SLC35B1: variants seen among roughly 807,000 people sequenced by gnomAD.
The protein encoded by SLC35B1 is solute carrier family 35 member B1, also known as ATP/ADP exchanger ER.
A neutral mutation model predicts 36.6 loss-of-function variants in SLC35B1; 27 were observed. The observed-to-expected ratio is 0.74, with a 90% confidence interval of 0.54 to 1.02. SLC35B1 has a LOEUF of 1.02. SLC35B1 is among the 50% of genes least tolerant of loss of function. SLC35B1 has a pLI of 0.00. For missense variants in SLC35B1, 321 were observed against 383.2 expected (o/e 0.84, Z 1.35); for synonymous variants, 162 against 152.5 (o/e 1.06, Z -0.46).
rs2073369346 is a variant in SLC35B1 at position 49,702,947 on chromosome 17, C to T, written c.827G>A (p.Arg276Gln). 1 of 1,614,004 alleles carries T rather than the reference C, an allele frequency of 6.2e-7. No homozygotes were observed. Among genetic ancestry groups the T allele is most frequent in the South Asian group, 1.1e-5 (1 of 91,060 alleles). ...AGAGGCCAAAATTGTGAAGAACTTT[C>T]GAGTTGTAGTGATGATGGAGCAGGT... ...PLTCSIITTT[R>Q]KFFTILASVI... Residue 276 changes from arginine (R) to glutamine (Q), a missense_variant, in exon 8 of 9, where the codon CGA becomes CAA. Physicochemically the swap from Arg to Gln is conservative, Grantham distance 43. Transcript: ENST00000240333.
In SLC35B1 at chr17:49,704,229, G is replaced by T. The variant is rs371027595; in HGVS notation, c.529-3C>A. 2.7e-5 allele frequency: 44 copies of T among 1,612,754 alleles called. No homozygotes were observed. The African/African-American group carries it at 5.9e-4, about 21-fold the overall frequency. On this transcript the variant is annotated splice_region_variant and splice_polypyrimidine_tract_variant and intron_variant, in intron 5 of 8. Coordinates refer to ENST00000240333, the MANE Select transcript of SLC35B1 (RefSeq NM_005827.4). The stretch of plus-strand genomic sequence containing the variant: ...CCATCCAGGGTCAGCGATAATAGCT[G>T]GGAAAGAAAGGGTGCAGCCTGCAGT...
chr17:49,707,817 G>A lies in SLC35B1; in HGVS notation c.17C>T (p.Ser6Phe). The A allele has an allele frequency of 1.2e-6, 2 of 1,611,976 alleles. No homozygotes were observed. The highest frequency in any genetic ancestry group is 1.7e-6 in the Non-Finnish European group (2 of 1,179,828). ...CAGGCGCAGCCGGTCGGGCACCAGG[G>A]AGCTGCTAGAGGCCATGAGACGCCC... Reference protein sequence around the residue: MASSSSLVPDRLRLPL... With the variant: MASSSFLVPDRLRLPL... The change falls in exon 1 of 9, where the codon TCC (serine) becomes TTC (phenylalanine). Residue 6 changes from serine (S) to phenylalanine (F), a missense_variant. Ser to Phe is a radical substitution (Grantham distance 155). Coordinates refer to ENST00000240333, the MANE Select transcript of SLC35B1 (RefSeq NM_005827.4).
At chr17:49,707,132 A>G in intron 1 of SLC35B1, 64 bp from the exon 2 acceptor site, 2 of 1,453,700 alleles carry the variant, frequency 1.4e-6, no homozygotes, top group Non-Finnish European at 1.9e-6. Flanking sequence ...GTCATCTAAT[A>G]TATCCCGAGC....
chr17:49,701,412 A>G lies in SLC35B1; in HGVS notation c.*46T>C. 1 of 1,444,994 alleles carries G rather than the reference A, an allele frequency of 6.9e-7. No individual in the cohort carries two copies. Among genetic ancestry groups the G allele is most frequent in the South Asian group, 1.1e-5 (1 of 87,448 alleles). 89.5% of individuals were successfully genotyped at this position (1,444,994 alleles called of 1,614,324 possible). ...TTTTCCCAAGAGATGTCACTGTTTG[A>G]GATAATAACTTAAATATTCTTGATG... On this transcript the variant is annotated 3_prime_UTR_variant, in exon 9 of 9. Transcript: ENST00000240333.
intron 1 of SLC35B1, 30 bp downstream of exon 1, chr17:49,707,700 G>C (rs1487970483): frequency 1.2e-6 from 2 of 1,603,434 alleles, no homozygotes; most frequent in Admixed American, 1.7e-5. Context: ...GCTGGGGAGA[G>C]ACTGTCGGCC....
In SLC35B1 at chr17:49,701,478, C is replaced by T; in HGVS notation, c.949G>A (p.Ala317Thr). The T allele has an allele frequency of 3.1e-6, 5 of 1,613,724 alleles. No individual in the cohort carries two copies. The highest frequency in any genetic ancestry group is 4.2e-6 in the Non-Finnish European group (5 of 1,179,736). Residue 317 changes from alanine to threonine, a missense_variant, in exon 9 of 9, where the codon GCT becomes ACT. By Grantham distance (58) the Ala-to-Thr change is moderately conservative. Coordinates refer to ENST00000240333, the MANE Select transcript of SLC35B1 (RefSeq NM_005827.4). Reference sequence around the variant, plus strand: ...TCTTCCTAGTGGGATGTCTTCTTAGCTCCTTTCCCAAACTTGGCATCAAGA... The same window carrying T: ...TCTTCCTAGTGGGATGTCTTCTTAGTTCCTTTCCCAAACTTGGCATCAAGA... ...LGLDAKFGKG[A>T]KKTSH is the part of the protein sequence containing the mutation.
In SLC35B1 at chr17:49,706,419, G is replaced by A. The variant is rs1295810739; in HGVS notation, c.209-85C>T. ...AGAGAAACCTGGTGGGGCTAGGATG[G>A]ACCACTAAGCAAAGCTGAAGCCACA... On this transcript the variant is annotated intron_variant, in intron 2 of 8. Coordinates refer to ENST00000240333, the MANE Select transcript of SLC35B1 (RefSeq NM_005827.4). 6.1e-6 allele frequency: 8 copies of A among 1,301,958 alleles called. No homozygotes were observed. In the East Asian group the frequency reaches 2.2e-4, roughly 35 times the overall value. 80.7% of individuals were successfully genotyped at this position (1,301,958 alleles called of 1,614,324 possible).
intron 2 of SLC35B1, 57 bp from the exon 3 acceptor site, chr17:49,706,391 A>C (rs1286721467): frequency 7.2e-7 from 1 of 1,394,926 alleles, no homozygotes; most frequent in Non-Finnish European, 9.4e-7. Flanking sequence ...AAAAAAAAAA[A>C]CAAGAGAAAC....
intron 8 of SLC35B1, chr17:49,701,805 T>C (rs896712474): frequency 3.2e-5 from 11 of 347,220 alleles, no homozygotes; most frequent in Non-Finnish European, 4.4e-5. Flanking sequence ...ACTTCTAGGC[T>C]ATGGCTGAAT....
At chr17:49,703,889 C>T (rs1289234557) in intron 6 of SLC35B1, 4 of 539,478 alleles carry the variant, frequency 7.4e-6, no homozygotes, top group African/African-American at 1.9e-5. Flanking sequence ...AACTGACACA[C>T]GACTCTCCTT....
chr17:49,708,042 A>G, upstream of SLC35B1: 1 of 1,107,036 alleles, frequency 9.0e-7, no homozygotes, highest in Non-Finnish European at 1.3e-6. Flanking sequence ...GAACCCAGCA[A>G]CCACTTCCTA....
intron 3 of SLC35B1, 103 bp downstream of exon 3, chr17:49,706,101 T>TC (rs1226916249): frequency 1.5e-5 from 18 of 1,224,808 alleles, no homozygotes; most frequent in Middle Eastern, 2.1e-4. Flanking sequence ...AGGACCGTTA[T>TC]CTTTTTTTTT....
In SLC35B1 at chr17:49,707,012, G is replaced by A. The variant is rs142518431; in HGVS notation, c.161C>T (p.Thr54Ile). Residue 54 changes from threonine (T) to isoleucine (I), a missense_variant, in exon 2 of 9, where the codon ACT (threonine) becomes ATT (isoleucine). By Grantham distance (89) the Thr-to-Ile change is moderately conservative (BLOSUM62 -1). Transcript: ENST00000240333. ...AKQETFTFAL[T>I]LVFIQCVINA... is the part of the protein sequence containing the mutation. The stretch of plus-strand genomic sequence containing the variant: ...GATCACACATTGAATGAAGACCAAA[G>A]TTAAGGCAAAGGTGAACGTCTCCTG... The A allele has an allele frequency of 6.2e-7, 1 of 1,614,014 alleles. No homozygotes were observed. The highest frequency in any genetic ancestry group is 2.2e-5 in the East Asian group (1 of 44,864).
chr17:49,707,133 T>C, intron 1 of SLC35B1, 65 bp from the exon 2 acceptor site: 2 of 1,449,430 alleles, frequency 1.4e-6, no homozygotes, highest in South Asian at 2.3e-5. Flanking sequence ...TCATCTAATA[T>C]ATCCCGAGCC....
At chr17:49,706,138 G>A in intron 3 of SLC35B1, 66 bp downstream of exon 3, 1 of 1,466,730 alleles carries the variant, frequency 6.8e-7, no homozygotes, top group African/African-American at 1.5e-5. Context: ...ACAGACCTGA[G>A]GGAAGAACTC....
rs761874398 is a variant in SLC35B1, at chr17:49,702,925, G to A, written c.849C>T (p.Ala283=). The change falls in exon 8 of 9, where the codon GCC becomes GCT. Residue 283 remains alanine (A), a synonymous_variant. Transcript: ENST00000240333. ...TGGGATTGGCGAAGAGGATCACAGA[G>A]GCCAAAATTGTGAAGAACTTTCGAG... ...TTTRKFFTIL[A]SVILFANPIS... is the part of the protein sequence containing the mutation. The A allele has an allele frequency of 9.3e-6, 15 of 1,614,100 alleles. No individual in the cohort carries two copies. The South Asian group carries it at 1.5e-4, about 17-fold the overall frequency.
At chr17:49,706,376 G>GAAACC in intron 2 of SLC35B1, 42 bp from the exon 3 acceptor site, 1 of 517,166 alleles carries the variant, frequency 1.9e-6, no homozygotes, top group Non-Finnish European at 2.5e-6. Context: ...GAAAAGAAAA[G>GAAACC]AAAAAAAAAA....
rs748002243 is a variant in SLC35B1 at position 49,703,232 on chromosome 17, T to A, written c.718A>T (p.Ile240Phe). ...LSFAERYPAI[I>F]YNILLFGLTS... ...AGCCCAAAGAGCAGGATGTTATAGA[T>A]GATGGCAGGGTACCTTTCAGCAAAG... The change falls in exon 7 of 9, where the codon ATC becomes TTC. Residue 240 changes from isoleucine to phenylalanine, a missense_variant. Transcript: ENST00000240333. The A allele has an allele frequency of 2.5e-6, 4 of 1,613,998 alleles. No homozygotes were observed. The South Asian group carries it at 3.3e-5, about 13-fold the overall frequency.
At chr17:49,705,923 C>A in intron 3 of SLC35B1, 27 bp from the exon 4 acceptor site, 2 of 1,612,764 alleles carry the variant, frequency 1.2e-6, no homozygotes, top group Non-Finnish European at 1.7e-6. Context: ...CAAATAATTT[C>A]TGAGCATCTG....
Sources: allele counts gnomAD v4.1 joint callset, GRCh38; gene constraint gnomAD v4.1.1; transcripts MANE v1.5; gene names NCBI Gene and HGNC (gene_info 2026-07-23, HGNC 2026-07-21).